CD46: variants seen among roughly 807,000 people sequenced by gnomAD.
CD46 encodes the protein CD46 molecule, also known as membrane cofactor protein.
Under a neutral mutation model 53.3 loss-of-function variants are expected in CD46, and 30 were observed. The ratio of observed to expected loss-of-function variants is 0.56; its 90% confidence interval spans 0.42 to 0.76. The LOEUF (loss-of-function observed/expected upper bound fraction) is 0.76, where lower values mean the gene tolerates loss of function less well. CD46 is among the 30% of genes least tolerant of loss of function. The pLI is 0.00. For missense variants in CD46, 409 were observed against 463.0 expected (o/e 0.88, Z 1.07); for synonymous variants, 142 against 152.0 (o/e 0.93, Z 0.48).
chr1:207,792,628 G>A (rs865923909), intron 12 of CD46, among the ~76,000 whole-genome samples: 3 of 152,200 alleles, frequency 2.0e-5, no homozygotes, highest in Admixed American at 6.5e-5. Flanking sequence ...CATTGGAAAG[G>A]CAATGTGTTT....
intron 5 of CD46, among the ~76,000 whole-genome samples, chr1:207,764,765 T>C (rs1656655065): frequency 6.6e-6 from 1 of 152,200 alleles, no homozygotes; most frequent in African/African-American, 2.4e-5. Context: ...CACTTGAAGA[T>C]ATGGATAACC....
At chr1:207,789,470 A>T (rs1047585275) in intron 11 of CD46, among the ~76,000 whole-genome samples, 5 of 152,114 alleles carry the variant, frequency 3.3e-5, no homozygotes, top group African/African-American at 1.2e-4. Flanking sequence ...TGAGCATTTA[A>T]CCCTTCAAAA....
Position 207,752,126 on chromosome 1 carries a change from C to A in CD46, c.-87C>A. ...AGTTGGGGATTGTTGCGTCCCATAT[C>A]TGGACCCAGAAGGGACTTCCCTGCT... On this transcript the variant is annotated 5_prime_UTR_variant, in exon 1 of 13. The change creates a new upstream start codon in the 5' untranslated region. Coordinates refer to ENST00000367042, the MANE Select transcript of CD46 (RefSeq NM_172351.3). The surrounding 1 kb of genome is among the most constrained non-coding windows in gnomAD (Gnocchi z 4.1). The A allele has an allele frequency of 8.2e-7, 1 of 1,223,184 alleles. No homozygotes were observed. Among genetic ancestry groups the A allele is most frequent in the Non-Finnish European group, 1.2e-6 (1 of 833,454 alleles). The allele number at this position is 1,223,184 out of a possible 1,614,324, so 75.8% of individuals were successfully genotyped here.
At chr1:207,771,317 T>A (rs1657485869) in intron 8 of CD46, among the ~76,000 whole-genome samples, 1 of 152,248 alleles carries the variant, frequency 6.6e-6, no homozygotes, top group South Asian at 2.1e-4. Context: ...GATGGGCAGA[T>A]TGCAAAGATT....
intron 11 of CD46, chr1:207,785,996 A>G (rs1391415540): frequency 4.1e-6 from 1 of 246,330 alleles, no homozygotes; most frequent in African/African-American, 2.3e-5. Flanking sequence ...TCTCTACCCT[A>G]TTCCCTATTT....
intron 5 of CD46, among the ~76,000 whole-genome samples, 172 bp from the exon 6 acceptor site, chr1:207,766,841 G>T (rs1321702391): frequency 1.3e-5 from 2 of 152,066 alleles, no homozygotes; most frequent in African/African-American, 4.8e-5. Context: ...AAACACCCTA[G>T]AATTCTGTAT....
intron 8 of CD46, among the ~76,000 whole-genome samples, chr1:207,778,331 T>A (rs1658342150): frequency 6.6e-6 from 1 of 152,190 alleles, no homozygotes; most frequent in African/African-American, 2.4e-5. Context: ...TGCGATTGTT[T>A]TTGATGTCTT....
chr1:207,757,358 CAAG>C (rs1655674790), intron 2 of CD46, among the ~76,000 whole-genome samples, 156 bp downstream of exon 2: 1 of 152,068 alleles, frequency 6.6e-6, no homozygotes, highest in Admixed American at 6.5e-5. Context: ...TCAAAATCTC[CAAG>C]AAATCATTTT....
At chr1:207,775,682 C>G (rs1012377991) in intron 8 of CD46, among the ~76,000 whole-genome samples, 1 of 152,176 alleles carries the variant, frequency 6.6e-6, no homozygotes, top group Non-Finnish European at 1.5e-5. Context: ...TTGAGTATCA[C>G]CAGCAGAGGC....
At chr1:207,754,422 C>T (rs909184031) in intron 1 of CD46, among the ~76,000 whole-genome samples, 1 of 152,294 alleles carries the variant, frequency 6.6e-6, no homozygotes. Context: ...CAACCCAGTT[C>T]AAGTCCCTCT....
Position 207,793,670 on chromosome 1 carries a change from C to T in CD46, c.*193C>T. On this transcript the variant is annotated 3_prime_UTR_variant, in exon 13 of 13. Transcript: ENST00000367042. ...CAATAGTTGTTATTCTGTAGTTTCA[C>T]TCTCATGAGTGCAACTGTGGCTTAG... 1.7e-6 allele frequency: 2 copies of T among 1,186,712 alleles called. No individual in the cohort carries two copies. The highest frequency in any genetic ancestry group is 1.2e-5 in the South Asian group (1 of 80,398). The allele number at this position is 1,186,712 out of a possible 1,614,324, so 73.5% of individuals were successfully genotyped here. A position where few individuals can be genotyped will look rare whatever the true frequency, so the allele number is the denominator to read the frequency against.
At chr1:207,767,702 T>C (rs747742487) in intron 6 of CD46, 77 bp from the exon 7 acceptor site, 18 of 1,590,400 alleles carry the variant, frequency 1.1e-5, no homozygotes, top group Middle Eastern at 1.7e-4. Context: ...TTACAAGATA[T>C]AAGGAATTCC....
At chr1:207,778,542 A>G (rs1171727921) in intron 8 of CD46, among the ~76,000 whole-genome samples, 1 of 152,174 alleles carries the variant, frequency 6.6e-6, no homozygotes. Context: ...TTTAATAGGG[A>G]ATCTTTTTCC....
rs985535460 is a variant in CD46, at chr1:207,768,001, C to T, written c.901+178C>T. The T allele has an allele frequency of 3.6e-5, 22 of 611,192 alleles. No homozygotes were observed. The African/African-American group carries it at 3.9e-4, about 11-fold the overall frequency. The allele number at this position is 611,192 out of a possible 1,614,324, so 37.9% of individuals were successfully genotyped here. ...TGATTCTAAAATTATTTGCCATAAT[C>T]TGATATAAACAGGAATATGACCTTG... On this transcript the variant is annotated intron_variant, in intron 7 of 12. Coordinates refer to ENST00000367042, the MANE Select transcript of CD46 (RefSeq NM_172351.3).
rs1270131396 is a variant in CD46, at chr1:207,794,594, A to G, written c.*1117A>G. On this transcript the variant is annotated 3_prime_UTR_variant, in exon 13 of 13. Coordinates refer to ENST00000367042, the MANE Select transcript of CD46 (RefSeq NM_172351.3). ...CTTGGCTAGTAAAAGCCATCTATGT[A>G]TATGTCTTACCTCATCTCCTAAAAG... 6.6e-6 allele frequency: 1 copy of G among 152,242 alleles called. No individual in the cohort carries two copies. The highest frequency in any genetic ancestry group is 1.5e-5 in the Non-Finnish European group (1 of 68,040). The allele number at this position is 152,242 out of a possible 1,614,324, so 9.4% of individuals were successfully genotyped here. A position where few individuals can be genotyped will look rare whatever the true frequency, so the allele number is the denominator to read the frequency against.
In CD46 at chr1:207,757,126, T is replaced by C. The variant is rs762775895; in HGVS notation, c.210T>C (p.Tyr70=). Residue 70 remains tyrosine (Y), a synonymous_variant, in exon 2 of 13, where the codon TAT becomes TAC. Coordinates refer to ENST00000367042, the MANE Select transcript of CD46 (RefSeq NM_172351.3). ...VDYKCKKGYF[Y]IPPLATHTIC... ...ATAAGTGTAAAAAAGGATACTTCTATATACCTCCTCTTGCCACCCATACTA... is the reference window on the plus strand; with the variant it reads ...ATAAGTGTAAAAAAGGATACTTCTACATACCTCCTCTTGCCACCCATACTA... 6 of 1,613,872 alleles carry C rather than the reference T, an allele frequency of 3.7e-6. No individual in the cohort carries two copies. The highest frequency in any genetic ancestry group is 1.3e-5 in the African/African-American group (1 of 74,936).
rs1436490870 is a variant in CD46 at position 207,752,308 on chromosome 1, C to T, written c.96C>T (p.Ser32=). ...AAMVLLLYSF[S]DACEEPPTFE... is the part of the protein sequence containing the mutation. ...TGGTGTTGCTGCTGTACTCCTTCTC[C>T]GGTAGGACCCCGGGGCGGGTTCGCG... Residue 32 remains serine (S), a splice_region_variant and synonymous_variant, in exon 1 of 13, where the codon TCC becomes TCT. Coordinates refer to ENST00000367042, the MANE Select transcript of CD46 (RefSeq NM_172351.3). The surrounding 1 kb of genome is among the most constrained non-coding windows in gnomAD (Gnocchi z 4.1). 6.2e-7 allele frequency: 1 copy of T among 1,613,850 alleles called. No individual in the cohort carries two copies.
At position 207,752,102 on chromosome 1, in the gene CD46, G is replaced by T; in HGVS notation, c.-111G>T. On this transcript the variant is annotated 5_prime_UTR_variant, in exon 1 of 13. Transcript: ENST00000367042. The surrounding 1 kb of genome is among the most constrained non-coding windows in gnomAD (Gnocchi z 4.1). ...TCCTGCAGCACTGGATGCTTTGTGA[G>T]TTGGGGATTGTTGCGTCCCATATCT... is the stretch of plus-strand genomic sequence containing the variant. 2 of 1,020,410 alleles carry T rather than the reference G, an allele frequency of 2.0e-6. No individual in the cohort carries two copies. Among genetic ancestry groups the T allele is most frequent in the Non-Finnish European group, 3.1e-6 (2 of 650,812 alleles). 63.2% of individuals were successfully genotyped at this position (1,020,410 alleles called of 1,614,324 possible).
intron 7 of CD46, 181 bp from the exon 8 acceptor site, chr1:207,770,140 A>T: frequency 1.7e-6 from 1 of 601,606 alleles, no homozygotes; most frequent in Non-Finnish European, 3.0e-6. Context: ...ATTCTTGTAC[A>T]TACATCTTAC....
Sources: allele counts gnomAD v4.1 joint callset (sites outside exome capture counted in the v4.1 genomes callset), GRCh38; gene constraint gnomAD v4.1.1; non-coding constraint Gnocchi (gnomAD v3.1); transcripts MANE v1.5; gene names NCBI Gene and HGNC (gene_info 2026-07-23, HGNC 2026-07-21).